GRID2: variants seen among roughly 807,000 people sequenced by gnomAD.
GRID2 encodes glutamate receptor ionotropic, delta-2.
Under a neutral mutation model 114.8 loss-of-function variants are expected in GRID2, and 33 were observed. The observed-to-expected ratio is 0.29, with a 90% CI of 0.22 to 0.38. The LOEUF (loss-of-function observed/expected upper bound fraction) is 0.38. Among genes scored for constraint, GRID2 ranks in the 10% least tolerant of loss-of-function variants. The pLI is 1.00. For missense variants in GRID2, 1,184 were observed against 1,257.7 expected, an observed-to-expected ratio of 0.94 and a Z score of 0.89; for synonymous variants, 505 against 449.9, an observed-to-expected ratio of 1.12 and a Z score of -1.55.
At chr4:92,468,161 C>T (rs1721849930) in intron 1 of GRID2, among the ~76,000 whole-genome samples, 1 of 151,894 alleles carries the variant, frequency 6.6e-6, no homozygotes, top group African/African-American at 2.4e-5. Flanking sequence ...AAATGAAATA[C>T]TATTATTTAA....
intron 2 of GRID2, among the ~76,000 whole-genome samples, chr4:92,964,912 A>G (rs1361750661): frequency 6.6e-6 from 1 of 152,024 alleles, no homozygotes; most frequent in Non-Finnish European, 1.5e-5. Flanking sequence ...TGTTCACTAT[A>G]ATAGTACATT....
intron 1 of GRID2, among the ~76,000 whole-genome samples, chr4:92,428,225 GC>G (rs1267804701): frequency 7.9e-5 from 12 of 152,058 alleles, no homozygotes; most frequent in African/African-American, 2.9e-4. Flanking sequence ...TCACGCCACT[GC>G]ACTCCAGCCT....
chr4:93,197,258 G>A (rs371547892), intron 4 of GRID2, among the ~76,000 whole-genome samples: 2 of 152,110 alleles, frequency 1.3e-5, no homozygotes, highest in East Asian at 1.9e-4. Flanking sequence ...GAAGCAGAGG[G>A]CTATGAGAAA....
rs553866387 is a variant in GRID2 at position 93,681,134 on chromosome 4, T to C, written c.2360+54699T>C. On this transcript the variant is annotated intron_variant, in intron 14 of 15. Transcript: ENST00000282020. ...AATCACAAGCATTCTTATACACCAATAACAGACAAACAGAGCGAAATCATG... is the reference window on the plus strand; with the variant it reads ...AATCACAAGCATTCTTATACACCAACAACAGACAAACAGAGCGAAATCATG... 7.9e-4 allele frequency among the ~76,000 whole-genome samples: 120 copies of C among 151,386 alleles called. 1 individual carries two copies. Among genetic ancestry groups the C allele is most frequent in the African/African-American group, 2.9e-3 (118 of 40,940 alleles).
chr4:93,692,481 T>G (rs1333900363), intron 14 of GRID2, among the ~76,000 whole-genome samples: 1 of 152,152 alleles, frequency 6.6e-6, no homozygotes, highest in Non-Finnish European at 1.5e-5. Flanking sequence ...CCATAAATTT[T>G]AGTTATTATT....
At position 92,922,299 on chromosome 4, in the gene GRID2, G is replaced by A. The variant is rs186523320; in HGVS notation, c.245-162696G>A. On this transcript the variant is annotated intron_variant, in intron 2 of 15. Transcript: ENST00000282020. ...CCCTGACCCCTTGCGCTTCCCTGGT[G>A]AGGCAATGACTCACCCTGCTTCGGC... Among the ~76,000 whole-genome samples the A allele has an allele frequency of 9.1e-4, 138 of 152,260 alleles. 4 individuals carry two copies. In the East Asian group the frequency reaches 0.018, roughly 20 times the overall value.
intron 4 of GRID2, among the ~76,000 whole-genome samples, chr4:93,151,694 G>A (rs980943497): frequency 1.3e-5 from 2 of 151,906 alleles, no homozygotes; most frequent in Non-Finnish European, 2.9e-5. Context: ...AAATATAAAG[G>A]GACATCTCAC....
chr4:92,613,834 T>G (rs1729871986), intron 2 of GRID2, among the ~76,000 whole-genome samples: 1 of 151,524 alleles, frequency 6.6e-6, no homozygotes, highest in African/African-American at 2.4e-5. Flanking sequence ...GTTTCTTTTT[T>G]ATTTCACTGA....
intron 13 of GRID2, among the ~76,000 whole-genome samples, chr4:93,593,271 A>G (rs1738609715): frequency 6.9e-6 from 1 of 144,854 alleles, no homozygotes; most frequent in Admixed American, 7.0e-5. Context: ...ATCTTTCAGC[A>G]TTTGCTTGTC....
intron 14 of GRID2, among the ~76,000 whole-genome samples, chr4:93,655,133 C>T (rs577840327): frequency 3.9e-5 from 6 of 152,042 alleles, no homozygotes; most frequent in Non-Finnish European, 7.4e-5. Flanking sequence ...ATTTCTCTGC[C>T]GATAGGGATG....
Position 93,756,724 on chromosome 4 carries a change from G to T in GRID2, c.2361-12486G>T, listed in dbSNP as rs900293336. Among the ~76,000 whole-genome samples the T allele has an allele frequency of 1.3e-4, 20 of 152,072 alleles. 1 individual carries two copies. The highest frequency in any genetic ancestry group is 1.5e-5 in the Non-Finnish European group (1 of 68,030). ...CGCTTCATCATATAAACTTTGGAGG[G>T]GCATAAACATTCAGTCCATAATAAC... On this transcript the variant is annotated intron_variant, in intron 14 of 15. Coordinates refer to ENST00000282020, the MANE Select transcript of GRID2 (RefSeq NM_001510.4).
At chr4:92,405,021 C>A (rs1730958169) in intron 1 of GRID2, among the ~76,000 whole-genome samples, 2 of 152,098 alleles carry the variant, frequency 1.3e-5, no homozygotes, top group South Asian at 4.2e-4. Context: ...CAAATTTATC[C>A]TGGAACTTAA....
At chr4:93,432,136 C>A (rs957394097) in intron 10 of GRID2, among the ~76,000 whole-genome samples, 20 of 152,082 alleles carry the variant, frequency 1.3e-4, no homozygotes, top group Admixed American at 1.0e-3. Context: ...ACTGCTAAAT[C>A]AGAACAGATA....
chr4:92,454,218 T>C (rs1342115811), intron 1 of GRID2, among the ~76,000 whole-genome samples: 1 of 152,180 alleles, frequency 6.6e-6, no homozygotes, highest in African/African-American at 2.4e-5. Flanking sequence ...AATAATTAGA[T>C]TTGTATGTTT....
intron 4 of GRID2, among the ~76,000 whole-genome samples, chr4:93,175,105 A>T (rs1399109427): frequency 6.6e-6 from 1 of 152,096 alleles, no homozygotes; most frequent in Non-Finnish European, 1.5e-5. Flanking sequence ...TGGGTGACAC[A>T]TTGTTTCCAC....
At chr4:93,138,852 G>C (rs546458194) in intron 4 of GRID2, among the ~76,000 whole-genome samples, 12 of 152,300 alleles carry the variant, frequency 7.9e-5, no homozygotes, top group African/African-American at 2.6e-4. Context: ...ATGCAAGTAA[G>C]ATTAGATCAC....
At chr4:93,734,438 A>G (rs1438931097) in intron 14 of GRID2, among the ~76,000 whole-genome samples, 1 of 152,066 alleles carries the variant, frequency 6.6e-6, no homozygotes, top group Non-Finnish European at 1.5e-5. Flanking sequence ...TCAGTAGTGA[A>G]TGTTTGGTTT....
chr4:92,707,287 C>T (rs1318474470), intron 2 of GRID2, among the ~76,000 whole-genome samples: 4 of 152,078 alleles, frequency 2.6e-5, no homozygotes, highest in African/African-American at 7.2e-5. Flanking sequence ...AAACGGTGGG[C>T]ACATTTCTTT....
chr4:93,012,801 T>C (rs1180687842), intron 2 of GRID2, among the ~76,000 whole-genome samples: 2 of 152,026 alleles, frequency 1.3e-5, no homozygotes, highest in Admixed American at 6.6e-5. Context: ...TATGGAGAAA[T>C]AAAAACTTAC....
Sources: allele counts gnomAD v4.1 joint callset (sites outside exome capture counted in the v4.1 genomes callset), GRCh38; gene constraint gnomAD v4.1.1; transcripts MANE v1.5; gene names NCBI Gene and HGNC (gene_info 2026-07-23, HGNC 2026-07-21).